The following SLC39A14 variants were observed in gnomAD, a reference collection of about 807,000 sequenced individuals.
The protein encoded by SLC39A14 is metal cation symporter ZIP14.
In SLC39A14, 19 loss-of-function variants were observed where a neutral mutation model predicts 45.5. The ratio of observed to expected loss-of-function variants is 0.42; its 90% confidence interval spans 0.29 to 0.61. SLC39A14 has a LOEUF of 0.61. SLC39A14 is among the 20% of genes least tolerant of loss of function. SLC39A14 has a pLI of 0.22. For synonymous variants in SLC39A14, 264 were observed against 251.3 expected, an observed-to-expected ratio of 1.05 and a Z score of -0.48; for missense variants, 447 against 616.5, an observed-to-expected ratio of 0.73 and a Z score of 2.91.
At chr8:22,400,785 G>A (rs1240700091) in intron 1 of SLC39A14, among the ~76,000 whole-genome samples, 2 of 152,204 alleles carry the variant, frequency 1.3e-5, no homozygotes, top group Non-Finnish European at 2.9e-5. Flanking sequence ...TGATGTGTGT[G>A]CCCCAGGGCC....
At chr8:22,400,822 C>G (rs1288500601) in intron 1 of SLC39A14, among the ~76,000 whole-genome samples, 2 of 152,180 alleles carry the variant, frequency 1.3e-5, no homozygotes, top group Non-Finnish European at 2.9e-5. Flanking sequence ...TAGTTGGCCA[C>G]AGGATATGCC....
intron 3 of SLC39A14, 110 bp from the exon 4 acceptor site, chr8:22,411,927 A>G: frequency 2.0e-6 from 2 of 1,003,854 alleles, no homozygotes; most frequent in Non-Finnish European, 2.8e-6. Flanking sequence ...TTTCCTTGCG[A>G]CCTCCCTATC....
chr8:22,384,524 G>C (rs1352822448), intron 1 of SLC39A14, among the ~76,000 whole-genome samples: 1 of 151,696 alleles, frequency 6.6e-6, no homozygotes, highest in African/African-American at 2.4e-5. Flanking sequence ...AAGGTCGACA[G>C]ATCACTTGAG....
intron 1 of SLC39A14, among the ~76,000 whole-genome samples, chr8:22,371,381 T>A (rs991637241): frequency 5.6e-5 from 8 of 141,752 alleles, no homozygotes; most frequent in Non-Finnish European, 9.3e-5. Context: ...AAAAATCAGA[T>A]AAAAGTTGGA....
At position 22,421,241 on chromosome 8, in the gene SLC39A14, C is replaced by G. The variant is rs1427923965; in HGVS notation, c.*1543C>G. 1.2e-5 allele frequency: 12 copies of G among 985,710 alleles called. No individual in the cohort carries two copies. In the Admixed American group the frequency reaches 6.8e-4, roughly 56 times the overall value. The allele number at this position is 985,710 out of a possible 1,614,324, so 61.1% of individuals were successfully genotyped here. A position where few individuals can be genotyped will look rare whatever the true frequency, so the allele number is the denominator to read the frequency against. On this transcript the variant is annotated 3_prime_UTR_variant, in exon 9 of 9. Transcript: ENST00000381237. The stretch of plus-strand genomic sequence containing the variant: ...TACTGGTTCACTACCAATGCCTGAG[C>G]TTTTCTCTTACATAGAAAAACTGTC...
chr8:22,419,234 G>C (rs961531928), intron 8 of SLC39A14, among the ~76,000 whole-genome samples: 1 of 152,086 alleles, frequency 6.6e-6, no homozygotes, highest in South Asian at 2.1e-4. Context: ...GCCCAGGCGG[G>C]AGTGCAGTGG....
chr8:22,383,135 C>T (rs1011300769), intron 1 of SLC39A14, among the ~76,000 whole-genome samples: 1 of 152,186 alleles, frequency 6.6e-6, no homozygotes, highest in Non-Finnish European at 1.5e-5. Flanking sequence ...TGCCTCTGCT[C>T]AGGAGGATAG....
chr8:22,427,648 T>C (rs1246406256), downstream of SLC39A14, among the ~76,000 whole-genome samples: 1 of 152,208 alleles, frequency 6.6e-6, no homozygotes, highest in Non-Finnish European at 1.5e-5. Flanking sequence ...ATTCTATAGA[T>C]GTGGCCCTTG....
At chr8:22,399,804 T>A (rs943862950) in intron 1 of SLC39A14, among the ~76,000 whole-genome samples, 7 of 152,194 alleles carry the variant, frequency 4.6e-5, no homozygotes, top group Non-Finnish European at 1.0e-4. Context: ...TCTAGGTGAG[T>A]GCCAGCCAGG....
At position 22,421,299 on chromosome 8, in the gene SLC39A14, G is replaced by A. The variant is rs1836214807; in HGVS notation, c.*1601G>A. ...AGTAATCACAAGCAGCATCCGTTTT[G>A]TTTTCTCTTCTTGGGAGACATCTGT... On this transcript the variant is annotated 3_prime_UTR_variant, in exon 9 of 9. Coordinates refer to ENST00000381237, the MANE Select transcript of SLC39A14 (RefSeq NM_001128431.4). 1 of 985,820 alleles carries A rather than the reference G, an allele frequency of 1.0e-6. No homozygotes were observed. Among genetic ancestry groups the A allele is most frequent in the Non-Finnish European group, 1.2e-6 (1 of 829,916 alleles). 61.1% of individuals were successfully genotyped at this position (985,820 alleles called of 1,614,324 possible).
intron 3 of SLC39A14, among the ~76,000 whole-genome samples, chr8:22,409,721 C>T (rs1835454761): frequency 6.7e-6 from 1 of 150,278 alleles, no homozygotes; most frequent in Non-Finnish European, 1.5e-5. Context: ...TGTTTGCATC[C>T]GTCTCTCCAT....
At chr8:22,398,672 C>T in intron 1 of SLC39A14, 1 of 972,914 alleles carries the variant, frequency 1.0e-6, no homozygotes, top group Non-Finnish European at 1.2e-6. Flanking sequence ...TGAATGTTTG[C>T]TCCTCTCTGA....
chr8:22,415,958 G>T lies in SLC39A14; in HGVS notation c.939+1G>T. 6.2e-7 allele frequency: 1 copy of T among 1,602,270 alleles called. No individual in the cohort carries two copies. The highest frequency in any genetic ancestry group is 8.5e-7 in the Non-Finnish European group (1 of 1,172,100). ...CATTGTGGGCTCGCTCTCTGTGCAG[G>T]TCAGTGGGCCACCAGCTGCTTGGTG... is the stretch of plus-strand genomic sequence containing the variant. On this transcript the variant is annotated splice_donor_variant, in intron 6 of 8. Transcript: ENST00000381237. LOFTEE classifies it high-confidence loss of function.
chr8:22,395,168 CCTGA>C (rs375224585), intron 1 of SLC39A14, among the ~76,000 whole-genome samples: 6 of 152,138 alleles, frequency 3.9e-5, no homozygotes, highest in African/African-American at 1.4e-4. Flanking sequence ...CGCCACCACA[CCTGA>C]CTAATTTTTA....
Position 22,421,952 on chromosome 8 carries a change from G to C in SLC39A14, c.*2254G>C. The C allele has an allele frequency of 1.0e-6, 1 of 985,422 alleles. No individual in the cohort carries two copies. The highest frequency in any genetic ancestry group is 1.2e-6 in the Non-Finnish European group (1 of 829,930). 61.0% of individuals were successfully genotyped at this position (985,422 alleles called of 1,614,324 possible). ...GGGAAATCCTCTTTAAACCGTAGTTGGCGCAGAGGTCAGTCCTAGTCGGAG... is the reference window on the plus strand; with the variant it reads ...GGGAAATCCTCTTTAAACCGTAGTTCGCGCAGAGGTCAGTCCTAGTCGGAG... On this transcript the variant is annotated 3_prime_UTR_variant, in exon 9 of 9. Coordinates refer to ENST00000381237, the MANE Select transcript of SLC39A14 (RefSeq NM_001128431.4).
intron 8 of SLC39A14, among the ~76,000 whole-genome samples, chr8:22,429,251 G>A (rs781739867): frequency 5.9e-5 from 9 of 152,090 alleles, no homozygotes; most frequent in South Asian, 2.1e-4. Flanking sequence ...CAGCCTGGGC[G>A]ACAGAGCCAG....
chr8:22,421,967 C>G lies in SLC39A14; in HGVS notation c.*2269C>G. On this transcript the variant is annotated 3_prime_UTR_variant, in exon 9 of 9. Transcript: ENST00000381237. ...AACCGTAGTTGGCGCAGAGGTCAGTCCTAGTCGGAGCTTAGGAGGGGCGGA... is the reference window on the plus strand; with the variant it reads ...AACCGTAGTTGGCGCAGAGGTCAGTGCTAGTCGGAGCTTAGGAGGGGCGGA... 1.0e-6 allele frequency: 1 copy of G among 985,460 alleles called. No homozygotes were observed. The highest frequency in any genetic ancestry group is 5.2e-4 in the Middle Eastern group (1 of 1,914). The allele number at this position is 985,460 out of a possible 1,614,324, so 61.0% of individuals were successfully genotyped here. A position where few individuals can be genotyped will look rare whatever the true frequency, so the allele number is the denominator to read the frequency against.
intron 1 of SLC39A14, 65 bp from the exon 2 acceptor site, chr8:22,404,631 G>A (rs1400134341): frequency 1.1e-5 from 17 of 1,490,814 alleles, no homozygotes; most frequent in South Asian, 2.5e-5. Context: ...TGTGGCGGGC[G>A]GGCCTGGCGC....
intron 8 of SLC39A14, among the ~76,000 whole-genome samples, chr8:22,431,909 G>A (rs1177640695): frequency 6.6e-6 from 1 of 152,214 alleles, no homozygotes; most frequent in African/African-American, 2.4e-5. Context: ...TGGGAAGGGA[G>A]CTCAATTAGA....
Sources: allele counts gnomAD v4.1 joint callset (sites outside exome capture counted in the v4.1 genomes callset), GRCh38; gene constraint gnomAD v4.1.1; transcripts MANE v1.5; gene names NCBI Gene and HGNC (gene_info 2026-07-23, HGNC 2026-07-21).